Variants in NRF1 observed in about 807,000 individuals in gnomAD.
NRF1 encodes nuclear respiratory factor 1, also known as alpha palindromic-binding protein.
Under a neutral mutation model 58.5 loss-of-function variants are expected in NRF1, and 5 were observed. That is an observed-to-expected ratio of 0.09 (90% CI 0.04 to 0.18). The LOEUF is 0.18. NRF1 is among the 10% of genes least tolerant of loss of function. The pLI, the probability that NRF1 is intolerant of heterozygous loss-of-function variation, is 1.00. For synonymous variants in NRF1, 224 were observed against 246.7 expected (o/e 0.91, Z 0.86); for missense variants, 288 against 657.7 (o/e 0.44, Z 6.15).
At chr7:129,688,932 TG>T in intron 4 of NRF1, among the ~76,000 whole-genome samples, 1 of 1,008 alleles carries the variant, frequency 9.9e-4, no homozygotes, top group South Asian at 0.015. Context: ...AAGATTCATT[TG>T]TGTGTGTGTG....
chr7:129,689,403 G>A (rs918827285), intron 4 of NRF1, among the ~76,000 whole-genome samples: 2 of 152,122 alleles, frequency 1.3e-5, no homozygotes, highest in African/African-American at 4.8e-5. Context: ...CCCTAAAATA[G>A]TGCCTTGAGC....
chr7:129,650,389 C>A (rs141478955), intron 1 of NRF1, among the ~76,000 whole-genome samples: 105 of 151,966 alleles, frequency 6.9e-4, no homozygotes, highest in African/African-American at 2.3e-3. Context: ...ATGCTAGGGG[C>A]CTTGGTTTCC....
At chr7:129,641,172 G>A (rs1457667619) in intron 1 of NRF1, among the ~76,000 whole-genome samples, 1 of 152,048 alleles carries the variant, frequency 6.6e-6, no homozygotes, top group Non-Finnish European at 1.5e-5. Context: ...TTAGACTTCT[G>A]TTCCTTGATT....
chr7:129,646,776 G>T (rs1584604258), intron 1 of NRF1, among the ~76,000 whole-genome samples: 1 of 152,158 alleles, frequency 6.6e-6, no homozygotes, highest in Non-Finnish European at 1.5e-5. Flanking sequence ...TGGTTGGCAG[G>T]CTCAGCCCCA....
intron 1 of NRF1, among the ~76,000 whole-genome samples, chr7:129,647,231 G>T (rs938702689): frequency 1.3e-5 from 2 of 151,840 alleles, no homozygotes; most frequent in African/African-American, 4.8e-5. Context: ...TAGAGACGGG[G>T]TTTTACCATG....
intron 1 of NRF1, among the ~76,000 whole-genome samples, chr7:129,634,069 C>A (rs866059391): frequency 7.1e-6 from 1 of 140,734 alleles, no homozygotes; most frequent in Non-Finnish European, 1.5e-5. Flanking sequence ...TATACACACA[C>A]ACACACACAC....
intron 1 of NRF1, among the ~76,000 whole-genome samples, chr7:129,629,317 C>G (rs928406625): frequency 2.8e-5 from 4 of 144,968 alleles, no homozygotes; most frequent in Admixed American, 2.2e-4. Context: ...TTGCTCTTGT[C>G]ACCCAGGCTG....
At chr7:129,619,488 GTGTATATATATATA>G (rs1800741159) in intron 1 of NRF1, among the ~76,000 whole-genome samples, 3 of 40,616 alleles carry the variant, frequency 7.4e-5, no homozygotes, top group Admixed American at 2.7e-4. Context: ...GTGTGTGTGT[GTGTATATATATATA>G]TATATATATA....
intron 3 of NRF1, among the ~76,000 whole-genome samples, chr7:129,675,642 A>G (rs990143184): frequency 1.3e-5 from 2 of 152,200 alleles, no homozygotes; most frequent in Non-Finnish European, 2.9e-5. Flanking sequence ...TGCATTGTCA[A>G]TGTGCAACAA....
At chr7:129,636,786 A>T (rs1801177273) in intron 1 of NRF1, among the ~76,000 whole-genome samples, 1 of 152,250 alleles carries the variant, frequency 6.6e-6, no homozygotes, top group Non-Finnish European at 1.5e-5. Context: ...GGCTAAACAT[A>T]AACCTTAGAC....
rs879009425 is a variant in NRF1, at chr7:129,755,409, A to C, written c.*228A>C. 2 of 474,012 alleles carry C rather than the reference A, an allele frequency of 4.2e-6. No homozygotes were observed. Among genetic ancestry groups the C allele is most frequent in the South Asian group, 2.7e-5 (1 of 37,572 alleles). 29.4% of individuals were successfully genotyped at this position (474,012 alleles called of 1,614,324 possible). Reference sequence around the variant, plus strand: ...CTGCATTGTCAATTTCACTGTCCCAAAAAAGCCAAATTGTGGCAGGACTTC... The same window carrying C: ...CTGCATTGTCAATTTCACTGTCCCACAAAAGCCAAATTGTGGCAGGACTTC... On this transcript the variant is annotated 3_prime_UTR_variant, in exon 11 of 11. Coordinates refer to ENST00000393232, the MANE Select transcript of NRF1 (RefSeq NM_005011.5). This position sits in a 1 kb window ranked among gnomAD's most constrained non-coding sequence, Gnocchi z 5.8.
chr7:129,754,966 T>A, intron 10 of NRF1, 52 bp from the exon 11 acceptor site: 1 of 1,491,080 alleles, frequency 6.7e-7, no homozygotes, highest in Non-Finnish European at 9.0e-7. Context: ...CCAGCCAGCA[T>A]CTGGGAACTT....
chr7:129,663,665 T>C (rs997571468), intron 2 of NRF1, among the ~76,000 whole-genome samples: 54 of 149,768 alleles, frequency 3.6e-4, no homozygotes, highest in African/African-American at 1.3e-3. Context: ...GCAGAGGGGC[T>C]CCTCACATCC....
At chr7:129,639,582 G>A (rs1801243696) in intron 1 of NRF1, among the ~76,000 whole-genome samples, 1 of 134,898 alleles carries the variant, frequency 7.4e-6, no homozygotes, top group Non-Finnish European at 1.5e-5. Flanking sequence ...GTCTTGCTCT[G>A]TCGCCCAGGC....
intron 4 of NRF1, among the ~76,000 whole-genome samples, chr7:129,683,633 ATTT>A (rs36101502): frequency 1.7e-5 from 2 of 117,434 alleles, no homozygotes; most frequent in South Asian, 2.9e-4. Context: ...ACTGGCCGGA[ATTT>A]TTTTTTTTTT....
chr7:129,709,303 T>C, intron 6 of NRF1, 70 bp downstream of exon 6: 1 of 1,301,190 alleles, frequency 7.7e-7, no homozygotes, highest in African/African-American at 1.5e-5. Context: ...ATTTTTGTCA[T>C]TTCTACATCT....
At chr7:129,657,607 ATTTTTTT>A in intron 2 of NRF1, 33 bp downstream of exon 2, 3 of 1,000,248 alleles carry the variant, frequency 3.0e-6, no homozygotes, top group Non-Finnish European at 2.8e-6. Flanking sequence ...CTCTTCTTTA[ATTTTTTT>A]TTTTTTTTTT....
chr7:129,706,846 T>C (rs765747951), intron 5 of NRF1, among the ~76,000 whole-genome samples: 9 of 152,186 alleles, frequency 5.9e-5, no homozygotes, highest in Non-Finnish European at 1.2e-4. Context: ...TTAGGGAATA[T>C]AGAGGGTTCC....
At chr7:129,656,863 C>T (rs890034338) in intron 1 of NRF1, among the ~76,000 whole-genome samples, 27 of 152,176 alleles carry the variant, frequency 1.8e-4, no homozygotes, top group African/African-American at 5.1e-4. Context: ...AGGCACTTGC[C>T]GCCATGCCCT....
Sources: gnomAD v4.1 joint callset for allele counts (sites outside exome capture counted in the v4.1 genomes callset) on GRCh38, gnomAD v4.1.1 for gene constraint, Gnocchi (gnomAD v3.1) non-coding constraint, MANE v1.5 for transcripts, NCBI Gene and HGNC (gene_info 2026-07-23, HGNC 2026-07-21) for gene names.